Variants in CSMD1 observed in about 807,000 individuals in gnomAD.
CSMD1 encodes CUB and Sushi multiple domains 1, also known as CUB and sushi domain-containing protein 1.
A neutral mutation model predicts 417.5 loss-of-function variants in CSMD1; 213 were observed. The ratio of observed to expected loss-of-function variants is 0.51; its 90% confidence interval spans 0.46 to 0.57. The LOEUF is 0.57. Ranked by LOEUF, CSMD1 falls within the 20% of genes least tolerant of loss-of-function variation. The pLI is 0.00. For missense variants in CSMD1, 6,923 were observed against 4,529.7 expected (o/e 1.53, Z -15.17); for synonymous variants, 2,862 against 1,736.8 (o/e 1.65, Z -16.11).
At chr8:4,911,538 G>C (rs1410615194) in intron 1 of CSMD1, among the ~76,000 whole-genome samples, 3 of 152,114 alleles carry the variant, frequency 2.0e-5, no homozygotes, top group South Asian at 2.1e-4. Flanking sequence ...TCCCAAGTCA[G>C]GGCCAAACTT....
At chr8:4,557,977 T>A (rs1243708632) in intron 2 of CSMD1, among the ~76,000 whole-genome samples, 1 of 152,132 alleles carries the variant, frequency 6.6e-6, no homozygotes, top group Non-Finnish European at 1.5e-5. Context: ...TGGCCTTATT[T>A]TTACTACAGT....
intron 8 of CSMD1, among the ~76,000 whole-genome samples, chr8:3,591,090 T>C (rs559759946): frequency 8.3e-4 from 127 of 152,310 alleles, no homozygotes; most frequent in Non-Finnish European, 1.5e-3. Context: ...CTAGATTAAT[T>C]ACGTTGCACA....
chr8:4,231,592 G>T (rs577837486), intron 3 of CSMD1, among the ~76,000 whole-genome samples: 1 of 152,144 alleles, frequency 6.6e-6, no homozygotes, highest in Non-Finnish European at 1.5e-5. Flanking sequence ...TTATAAATCT[G>T]CATACAATCC....
chr8:3,011,181 A>G (rs1205922274), intron 52 of CSMD1, among the ~76,000 whole-genome samples: 1 of 152,210 alleles, frequency 6.6e-6, no homozygotes, highest in Non-Finnish European at 1.5e-5. Flanking sequence ...ATTCAGAAAT[A>G]TGACAGAAAA....
intron 1 of CSMD1, among the ~76,000 whole-genome samples, chr8:4,838,538 C>A (rs1484550705): frequency 6.6e-6 from 1 of 152,210 alleles, no homozygotes; most frequent in East Asian, 1.9e-4. Flanking sequence ...ATTTACTCCG[C>A]TTTTACCTGC....
At chr8:4,910,335 A>G (rs1805577691) in intron 1 of CSMD1, among the ~76,000 whole-genome samples, 1 of 152,186 alleles carries the variant, frequency 6.6e-6, no homozygotes, top group Non-Finnish European at 1.5e-5. Context: ...AATGTTGATG[A>G]TGTATCTTAG....
At chr8:4,397,390 G>A (rs1018915890) in intron 3 of CSMD1, among the ~76,000 whole-genome samples, 5 of 152,224 alleles carry the variant, frequency 3.3e-5, no homozygotes, top group African/African-American at 1.2e-4. Context: ...GTGGAAAAGA[G>A]AAGTTACTTC....
chr8:3,530,093 G>C (rs896254355), intron 10 of CSMD1, among the ~76,000 whole-genome samples: 2 of 152,150 alleles, frequency 1.3e-5, no homozygotes, highest in South Asian at 4.2e-4. Flanking sequence ...GACACTAAAG[G>C]TTTCAATTTT....
chr8:4,231,970 G>C lies in CSMD1; in HGVS notation c.415+187983C>G, dbSNP rs1404516672. Among the ~76,000 whole-genome samples the C allele has an allele frequency of 2.0e-5, 3 of 151,860 alleles. No individual in the cohort carries two copies. The East Asian group carries it at 5.8e-4, about 29-fold the overall frequency. ...TTCTACCTCCTCCTTTCTTTCTTTT[G>C]CAAAAGGCTAATCATTTTGTAAAGC... On this transcript the variant is annotated intron_variant, in intron 3 of 69. Coordinates refer to ENST00000635120, the MANE Select transcript of CSMD1 (RefSeq NM_033225.6).
chr8:3,053,034 A>G (rs1378341103), intron 49 of CSMD1, among the ~76,000 whole-genome samples: 7 of 152,178 alleles, frequency 4.6e-5, no homozygotes, highest in Non-Finnish European at 8.8e-5. Flanking sequence ...CGTCCACCTT[A>G]GCCTCCCAAA....
rs1415317082 is a variant in CSMD1 at position 4,242,551 on chromosome 8, G to T, written c.415+177402C>A. ...TTCTTAACTAGTCTTTCCCCTTCTA[G>T]TAAGTTGTCTTGAAAAAACTCAGAA... On this transcript the variant is annotated intron_variant, in intron 3 of 69. Coordinates refer to ENST00000635120, the MANE Select transcript of CSMD1 (RefSeq NM_033225.6). Among the ~76,000 whole-genome samples, 6 of 152,200 alleles carry T rather than the reference G, an allele frequency of 3.9e-5. No homozygotes were observed. In the South Asian group the frequency reaches 1.0e-3, roughly 26 times the overall value.
chr8:4,029,548 G>A (rs1393377768), intron 4 of CSMD1, among the ~76,000 whole-genome samples: 2 of 152,074 alleles, frequency 1.3e-5, no homozygotes, highest in Non-Finnish European at 2.9e-5. Flanking sequence ...CTGCCTCCAT[G>A]GTTCAATTAC....
chr8:3,242,052 T>C (rs999402681), intron 26 of CSMD1, among the ~76,000 whole-genome samples: 1 of 104,298 alleles, frequency 9.6e-6, no homozygotes, highest in Non-Finnish European at 2.1e-5. Flanking sequence ...TGGATTTTTA[T>C]ATTTGATGAA....
intron 10 of CSMD1, among the ~76,000 whole-genome samples, chr8:3,545,226 G>A (rs1012669354): frequency 6.6e-6 from 1 of 152,140 alleles, no homozygotes. Context: ...CTGTCTATAT[G>A]TGTATATATG....
At chr8:4,194,225 A>G (rs923075971) in intron 3 of CSMD1, among the ~76,000 whole-genome samples, 1 of 152,176 alleles carries the variant, frequency 6.6e-6, no homozygotes, top group Non-Finnish European at 1.5e-5. Flanking sequence ...TCCAGCAATC[A>G]ACACTGCTGC....
chr8:4,625,317 T>C (rs1163511987), intron 2 of CSMD1, among the ~76,000 whole-genome samples: 1 of 152,074 alleles, frequency 6.6e-6, no homozygotes, highest in African/African-American at 2.4e-5. Context: ...TGAGGATGTC[T>C]TAAAAAGTCT....
chr8:3,760,022 A>G (rs1299151001), intron 5 of CSMD1, among the ~76,000 whole-genome samples: 2 of 152,110 alleles, frequency 1.3e-5, no homozygotes, highest in African/African-American at 2.4e-5. Flanking sequence ...CCAGAAACAC[A>G]GGACACACGC....
intron 5 of CSMD1, among the ~76,000 whole-genome samples, chr8:3,901,622 A>G (rs1157549674): frequency 6.6e-6 from 1 of 152,196 alleles, no homozygotes; most frequent in East Asian, 1.9e-4. Flanking sequence ...TCTGAAAACC[A>G]CCGAAGTAAA....
chr8:3,426,348 G>A (rs1813838624), intron 12 of CSMD1, among the ~76,000 whole-genome samples: 1 of 152,134 alleles, frequency 6.6e-6, no homozygotes, highest in African/African-American at 2.4e-5. Flanking sequence ...ATCAGACAGT[G>A]ATCATGAGAC....
Sources: gnomAD v4.1 joint callset for allele counts (sites outside exome capture counted in the v4.1 genomes callset) on GRCh38, gnomAD v4.1.1 for gene constraint, MANE v1.5 for transcripts, NCBI Gene and HGNC (gene_info 2026-07-23, HGNC 2026-07-21) for gene names.